The following WRN variants were observed in gnomAD, a reference collection of about 807,000 sequenced individuals.
WRN encodes bifunctional 3'-5' exonuclease/ATP-dependent helicase WRN.
Under a neutral mutation model 180.7 loss-of-function variants are expected in WRN, and 149 were observed. The ratio of observed to expected loss-of-function variants is 0.82; its 90% confidence interval spans 0.72 to 0.94. The LOEUF (loss-of-function observed/expected upper bound fraction) is 0.94. WRN is among the 40% of genes least tolerant of loss of function. The pLI, the probability that WRN is intolerant of heterozygous loss-of-function variation, is 0.00. For synonymous variants in WRN, 548 were observed against 568.9 expected, an observed-to-expected ratio of 0.96 and a Z score of 0.52; for missense variants, 1,661 against 1,700.1, an observed-to-expected ratio of 0.98 and a Z score of 0.40.
At chr8:31,037,776 T>G (rs1216778976) in intron 1 of WRN, among the ~76,000 whole-genome samples, 1 of 152,212 alleles carries the variant, frequency 6.6e-6, no homozygotes, top group African/African-American at 2.4e-5. Context: ...CGTGCTGTTT[T>G]AATTACTAGA....
intron 18 of WRN, among the ~76,000 whole-genome samples, chr8:31,104,581 G>GC (rs1415270109): frequency 1.3e-5 from 2 of 151,944 alleles, no homozygotes; most frequent in African/African-American, 2.4e-5. Flanking sequence ...TCTTCACCTA[G>GC]CCCTAGATCC....
At chr8:31,100,384 A>G (rs1814176027) in intron 17 of WRN, among the ~76,000 whole-genome samples, 1 of 152,194 alleles carries the variant, frequency 6.6e-6, no homozygotes. Context: ...CTGGCATTTC[A>G]GAGGACTCTT....
rs1207028316 is a variant in WRN at position 31,150,473 on chromosome 8, G to A, written c.3687+18G>A. On this transcript the variant is annotated intron_variant, in intron 31 of 34. Transcript: ENST00000298139. ...GTGTTCAGGTAAAATACTGTGGTTT[G>A]CAGGAGCTCTTAGAGAATAAGCATT... 2 of 1,607,102 alleles carry A rather than the reference G, an allele frequency of 1.2e-6. No individual in the cohort carries two copies. Among genetic ancestry groups the A allele is most frequent in the African/African-American group, 2.7e-5 (2 of 74,772 alleles).
chr8:31,036,871 T>C (rs1460613291), intron 1 of WRN, among the ~76,000 whole-genome samples: 1 of 152,168 alleles, frequency 6.6e-6, no homozygotes, highest in African/African-American at 2.4e-5. Flanking sequence ...GTAATCCCTT[T>C]GTCTATTTTT....
chr8:31,082,261 T>C (rs1443783073), intron 9 of WRN, among the ~76,000 whole-genome samples: 1 of 152,208 alleles, frequency 6.6e-6, no homozygotes, highest in Non-Finnish European at 1.5e-5. Context: ...TTTTATATTT[T>C]ATTTCACGAT....
chr8:31,135,825 C>T (rs1802376642), intron 24 of WRN, among the ~76,000 whole-genome samples: 1 of 152,110 alleles, frequency 6.6e-6, no homozygotes, highest in South Asian at 2.1e-4. Flanking sequence ...CTTCTCTCTT[C>T]TTTTTCTTTT....
chr8:31,096,935 C>A, intron 17 of WRN, 85 bp downstream of exon 17: 1 of 1,266,952 alleles, frequency 7.9e-7, no homozygotes, highest in Non-Finnish European at 1.1e-6. Flanking sequence ...GATTTCACTT[C>A]TGTTAAAGTT....
intron 34 of WRN, 125 bp from the exon 35 acceptor site, chr8:31,172,870 C>T: frequency 1.3e-6 from 1 of 741,860 alleles, no homozygotes; most frequent in Non-Finnish European, 2.3e-6. Context: ...ATAGATACCA[C>T]TATTTTGTTT....
chr8:31,083,650 A>T (rs557057991), intron 9 of WRN, 49 bp from the exon 10 acceptor site: 1 of 1,471,340 alleles, frequency 6.8e-7, no homozygotes, highest in East Asian at 2.3e-5. Flanking sequence ...AGAAAAGAGG[A>T]TATGAAGTCA....
At chr8:31,035,418 G>T (rs1372602318) in intron 1 of WRN, among the ~76,000 whole-genome samples, 1 of 152,152 alleles carries the variant, frequency 6.6e-6, no homozygotes, top group African/African-American at 2.4e-5. Flanking sequence ...TGGAGGAGAA[G>T]AAAGTACAAA....
intron 20 of WRN, among the ~76,000 whole-genome samples, chr8:31,117,734 A>C (rs1489026658): frequency 1.3e-5 from 2 of 152,124 alleles, no homozygotes; most frequent in Non-Finnish European, 2.9e-5. Flanking sequence ...GTTGTTGAAA[A>C]GCTTAAGTAT....
intron 34 of WRN, among the ~76,000 whole-genome samples, chr8:31,170,114 T>C (rs1477306908): frequency 6.6e-6 from 1 of 152,198 alleles, no homozygotes; most frequent in Non-Finnish European, 1.5e-5. Context: ...TTAATTGCTG[T>C]TGGTGGTTTG....
intron 18 of WRN, among the ~76,000 whole-genome samples, chr8:31,109,258 C>T (rs988860608): frequency 2.2e-4 from 34 of 152,276 alleles, no homozygotes; most frequent in East Asian, 1.7e-3. Context: ...CCAATGAAAA[C>T]GAAGTACTAG....
At chr8:31,042,415 A>T (rs938651117) in intron 1 of WRN, among the ~76,000 whole-genome samples, 24 of 152,220 alleles carry the variant, frequency 1.6e-4, no homozygotes, top group African/African-American at 5.1e-4. Flanking sequence ...ATTAACACTC[A>T]ACTCAAATAC....
chr8:31,172,954 A>G (rs1390656133), intron 34 of WRN, 41 bp from the exon 35 acceptor site: 1 of 1,588,716 alleles, frequency 6.3e-7, no homozygotes, highest in South Asian at 1.1e-5. Context: ...CCTTCTCAGT[A>G]GTACAAAGAT....
At chr8:31,121,541 A>T (rs1224833871) in intron 21 of WRN, among the ~76,000 whole-genome samples, 1 of 152,004 alleles carries the variant, frequency 6.6e-6, no homozygotes, top group Admixed American at 6.6e-5. Flanking sequence ...GAAAATGTCA[A>T]CAATCAAAAT....
rs1801195 is a variant in WRN, at chr8:31,141,764, G to A, written c.3222G>A (p.Leu1074=). ...ATGAAGAATTGTGTCCAAAGAAGTT[G>A]CTTCTGCCTAGGTTCATTTTTCAGT... is the stretch of plus-strand genomic sequence containing the variant. ...QANEELCPKK[L]LLPSSKTVSS... The change falls in exon 26 of 35, where the codon TTG becomes TTA. Residue 1074 remains leucine, a synonymous_variant. Coordinates refer to ENST00000298139, the MANE Select transcript of WRN (RefSeq NM_000553.6). 4.3e-6 allele frequency: 7 copies of A among 1,613,460 alleles called. No homozygotes were observed. The highest frequency in any genetic ancestry group is 5.9e-6 in the Non-Finnish European group (7 of 1,179,834).
At chr8:31,071,259 T>C (rs1291180573) in intron 7 of WRN, among the ~76,000 whole-genome samples, 1 of 151,888 alleles carries the variant, frequency 6.6e-6, no homozygotes, top group Non-Finnish European at 1.5e-5. Flanking sequence ...TTATATCTCC[T>C]CCCAAGAGCA....
rs1180622602 is a variant in WRN at position 31,120,436 on chromosome 8, T to C, written c.2630+12T>C. On this transcript the variant is annotated intron_variant, in intron 21 of 34. Transcript: ENST00000298139. The stretch of plus-strand genomic sequence containing the variant: ...ATTAACTTAAATAGGTAAAAAAAAT[T>C]TATTGTTTTTACTCTTGCAGATTTC... 4.4e-6 allele frequency: 7 copies of C among 1,608,150 alleles called. No individual in the cohort carries two copies. Among genetic ancestry groups the C allele is most frequent in the Non-Finnish European group, 5.9e-6 (7 of 1,176,616 alleles).
Sources: gnomAD v4.1 joint callset for allele counts (sites outside exome capture counted in the v4.1 genomes callset) on GRCh38, gnomAD v4.1.1 for gene constraint, MANE v1.5 for transcripts, NCBI Gene and HGNC (gene_info 2026-07-23, HGNC 2026-07-21) for gene names.